The following WWOX variants were observed in gnomAD, a reference collection of about 807,000 sequenced individuals.
WWOX encodes WW domain containing oxidoreductase, also known as WW domain-containing oxidoreductase.
A neutral mutation model predicts 46.2 loss-of-function variants in WWOX; 69 were observed. The ratio of observed to expected loss-of-function variants is 1.49; its 90% CI spans 1.23 to 1.82. The LOEUF (loss-of-function observed/expected upper bound fraction) is 1.82, where lower values mean the gene tolerates loss of function less well. Ranked by LOEUF, WWOX falls within the 40% of genes most tolerant of loss-of-function variation. The probability of loss-of-function intolerance (pLI) is 0.00; values close to 1 mark genes in which losing one functional copy is unlikely to be tolerated. For synonymous variants in WWOX, 359 were observed against 202.6 expected, an observed-to-expected ratio of 1.77 and a Z score of -6.56; for missense variants, 919 against 542.6, an observed-to-expected ratio of 1.69 and a Z score of -6.89.
chr16:79,067,703 A>G (rs1428722654), intron 8 of WWOX, among the ~76,000 whole-genome samples: 1 of 152,034 alleles, frequency 6.6e-6, no homozygotes, highest in Non-Finnish European at 1.5e-5. Context: ...TCTTTCCCGC[A>G]AGAAGGTAAA....
At chr16:78,719,219 A>G (rs1448900962) in intron 8 of WWOX, among the ~76,000 whole-genome samples, 35 of 152,174 alleles carry the variant, frequency 2.3e-4, no homozygotes, top group Admixed American at 2.3e-3. Context: ...AGTGCAGGTA[A>G]TGTGTTTAGC....
Position 78,176,505 on chromosome 16 carries a change from C to T in WWOX, c.516+12216C>T, listed in dbSNP as rs189454949. Among the ~76,000 whole-genome samples, 104 of 152,268 alleles carry T rather than the reference C, an allele frequency of 6.8e-4. No homozygotes were observed. The Middle Eastern group carries it at 0.017, about 25-fold the overall frequency. On this transcript the variant is annotated intron_variant, in intron 5 of 8. Coordinates refer to ENST00000566780, the MANE Select transcript of WWOX (RefSeq NM_016373.4). ...GGCAATTCTCAGATTCTAATTGTTC[C>T]GACTACAATGCGTCCTGTAAACCGG...
chr16:78,739,612 A>G (rs1470540610), intron 8 of WWOX, among the ~76,000 whole-genome samples: 1 of 152,108 alleles, frequency 6.6e-6, no homozygotes, highest in Non-Finnish European at 1.5e-5. Context: ...GGAGTTCAAG[A>G]CCAGCCTGGC....
At chr16:79,092,999 A>C (rs2048994965) in intron 8 of WWOX, among the ~76,000 whole-genome samples, 1 of 152,186 alleles carries the variant, frequency 6.6e-6, no homozygotes. Flanking sequence ...TTTCACCATT[A>C]TATTCAATAG....
intron 8 of WWOX, among the ~76,000 whole-genome samples, chr16:79,033,416 G>A (rs1050029501): frequency 2.6e-5 from 4 of 151,278 alleles, no homozygotes; most frequent in African/African-American, 4.9e-5. Context: ...AGGCTGCATA[G>A]TATTCCATGG....
chr16:78,781,676 G>C (rs892317534), intron 8 of WWOX, among the ~76,000 whole-genome samples: 3 of 152,090 alleles, frequency 2.0e-5, no homozygotes, highest in African/African-American at 7.2e-5. Context: ...AATCCTACCT[G>C]AAGCAAGAGA....
intron 8 of WWOX, among the ~76,000 whole-genome samples, chr16:78,471,043 T>C (rs2084208173): frequency 6.6e-6 from 1 of 152,222 alleles, no homozygotes; most frequent in Non-Finnish European, 1.5e-5. Context: ...GCATTGCTGG[T>C]ATTTTCACTC....
At chr16:78,875,555 G>A (rs1399797569) in intron 8 of WWOX, among the ~76,000 whole-genome samples, 4 of 152,134 alleles carry the variant, frequency 2.6e-5, no homozygotes, top group African/African-American at 7.2e-5. Flanking sequence ...TGGCTATATG[G>A]AATTCACTTT....
intron 8 of WWOX, among the ~76,000 whole-genome samples, chr16:78,954,585 C>T (rs2046127334): frequency 6.6e-6 from 1 of 152,114 alleles, no homozygotes; most frequent in African/African-American, 2.4e-5. Flanking sequence ...CAAGCCAGTG[C>T]CAGGGGCTGG....
At chr16:78,572,842 T>G (rs1174869440) in intron 8 of WWOX, among the ~76,000 whole-genome samples, 1 of 150,998 alleles carries the variant, frequency 6.6e-6, no homozygotes, top group Non-Finnish European at 1.5e-5. Flanking sequence ...ACAGGGGAGG[T>G]ATTGGAAAGT....
chr16:78,160,641 A>T (rs771126091), intron 4 of WWOX, among the ~76,000 whole-genome samples: 2 of 152,198 alleles, frequency 1.3e-5, no homozygotes, highest in Non-Finnish European at 2.9e-5. Flanking sequence ...ATTTAATTCC[A>T]TTGCGGTCAA....
intron 8 of WWOX, among the ~76,000 whole-genome samples, chr16:78,960,693 C>T (rs1164109937): frequency 1.3e-5 from 2 of 152,196 alleles, no homozygotes; most frequent in Non-Finnish European, 2.9e-5. Flanking sequence ...CCTGTGCCAT[C>T]AGCTACTGGG....
At chr16:78,940,314 C>T (rs930776751) in intron 8 of WWOX, among the ~76,000 whole-genome samples, 8 of 152,068 alleles carry the variant, frequency 5.3e-5, no homozygotes, top group African/African-American at 7.2e-5. Context: ...ATTTATGAGT[C>T]GTCATTGCTC....
chr16:78,760,289 A>G (rs780086734), intron 8 of WWOX, among the ~76,000 whole-genome samples: 1 of 152,200 alleles, frequency 6.6e-6, no homozygotes, highest in Non-Finnish European at 1.5e-5. Flanking sequence ...CCTGTGATTC[A>G]ATTATCTCCC....
intron 8 of WWOX, among the ~76,000 whole-genome samples, chr16:78,683,748 G>C (rs2047787262): frequency 6.6e-6 from 1 of 151,952 alleles, no homozygotes; most frequent in Non-Finnish European, 1.5e-5. Flanking sequence ...AGGGACTTGT[G>C]GGCATTTTCA....
In WWOX at chr16:78,980,403, G is replaced by C. The variant is rs2046657934; in HGVS notation, c.1057-231205G>C. ...TCCTTGGAATGGTTTTAGTTCTCTT[G>C]GCTGTAACCAAGTCTACACGATACC... On this transcript the variant is annotated intron_variant, in intron 8 of 8. Transcript: ENST00000566780. 2.0e-5 allele frequency among the ~76,000 whole-genome samples: 3 copies of C among 152,052 alleles called. No individual in the cohort carries two copies. The South Asian group carries it at 6.2e-4, about 32-fold the overall frequency.
intron 8 of WWOX, among the ~76,000 whole-genome samples, chr16:78,505,332 A>G (rs1219344341): frequency 6.6e-6 from 1 of 152,138 alleles, no homozygotes; most frequent in African/African-American, 2.4e-5. Context: ...CTGGCTTGAC[A>G]ATGCCTTCTT....
chr16:78,462,572 C>T (rs193070612), intron 8 of WWOX, among the ~76,000 whole-genome samples: 1 of 152,310 alleles, frequency 6.6e-6, no homozygotes, highest in African/African-American at 2.4e-5. Context: ...AGCCGCCGTG[C>T]TGAGCGCTCA....
intron 5 of WWOX, among the ~76,000 whole-genome samples, chr16:78,219,773 C>T (rs1192218378): frequency 1.3e-5 from 2 of 152,114 alleles, no homozygotes; most frequent in African/African-American, 2.4e-5. Flanking sequence ...GAATATGTAC[C>T]TCCAAATCTC....
Sources: gnomAD v4.1 joint callset for allele counts (sites outside exome capture counted in the v4.1 genomes callset) on GRCh38, gnomAD v4.1.1 for gene constraint, MANE v1.5 for transcripts, NCBI Gene and HGNC (gene_info 2026-07-23, HGNC 2026-07-21) for gene names.